Variants in TANGO6 observed in about 807,000 individuals in gnomAD.
The protein encoded by TANGO6 is transport and Golgi organization protein 6 homolog.
Under a neutral mutation model 114.2 loss-of-function variants are expected in TANGO6, and 90 were observed. The observed-to-expected ratio is 0.79, with a 90% CI of 0.66 to 0.94. The LOEUF (loss-of-function observed/expected upper bound fraction) is 0.94. Ranked by LOEUF, TANGO6 falls within the 40% of genes least tolerant of loss-of-function variation. TANGO6 has a pLI of 0.00. For missense variants in TANGO6, 1,274 were observed against 1,315.3 expected, an observed-to-expected ratio of 0.97 and a Z score of 0.49; for synonymous variants, 477 against 509.8, an observed-to-expected ratio of 0.94 and a Z score of 0.87.
At chr16:68,849,732 A>G (rs1567522834) in intron 1 of TANGO6, among the ~76,000 whole-genome samples, 2 of 152,162 alleles carry the variant, frequency 1.3e-5, no homozygotes, top group Non-Finnish European at 2.9e-5. Flanking sequence ...GCCAGGAAAT[A>G]TGTGGATTTT....
At chr16:68,971,577 C>T (rs532795184) in intron 14 of TANGO6, among the ~76,000 whole-genome samples, 1 of 151,668 alleles carries the variant, frequency 6.6e-6, no homozygotes, top group South Asian at 2.1e-4. Flanking sequence ...ACCTAGCCCC[C>T]TCTTCTTTCT....
At chr16:68,945,649 T>G (rs1963406808) in intron 14 of TANGO6, among the ~76,000 whole-genome samples, 1 of 152,206 alleles carries the variant, frequency 6.6e-6, no homozygotes, top group Non-Finnish European at 1.5e-5. Flanking sequence ...CATTGCCCAT[T>G]TGTAAATCTT....
intron 15 of TANGO6, among the ~76,000 whole-genome samples, chr16:68,995,242 A>T (rs1259240371): frequency 6.6e-6 from 1 of 152,240 alleles, no homozygotes; most frequent in East Asian, 1.9e-4. Flanking sequence ...CTCCTAGTTC[A>T]GGGTCACCTC....
At chr16:68,851,220 C>T (rs1178618281) in intron 1 of TANGO6, among the ~76,000 whole-genome samples, 7 of 151,990 alleles carry the variant, frequency 4.6e-5, no homozygotes, top group Non-Finnish European at 7.4e-5. Flanking sequence ...AGTGCAGTGG[C>T]GCAATCTCGG....
At chr16:69,076,226 G>T (rs1413099932) in intron 17 of TANGO6, among the ~76,000 whole-genome samples, 1 of 149,612 alleles carries the variant, frequency 6.7e-6, no homozygotes, top group Non-Finnish European at 1.5e-5. Context: ...CGAGTAGCTG[G>T]AATTACAGGC....
At chr16:69,062,541 C>T (rs758550595) in intron 17 of TANGO6, among the ~76,000 whole-genome samples, 19 of 151,986 alleles carry the variant, frequency 1.3e-4, no homozygotes, top group Admixed American at 9.8e-4. Flanking sequence ...GGCGTGATCT[C>T]GGCTCACTGC....
chr16:69,062,358 T>A (rs990240848), intron 17 of TANGO6, among the ~76,000 whole-genome samples: 16 of 152,210 alleles, frequency 1.1e-4, no homozygotes, highest in African/African-American at 3.9e-4. Flanking sequence ...CCAGTGTTTT[T>A]GCCTACCATC....
At chr16:68,944,649 G>T (rs760610069) in intron 14 of TANGO6, among the ~76,000 whole-genome samples, 98 of 152,270 alleles carry the variant, frequency 6.4e-4, no homozygotes, top group Non-Finnish European at 1.1e-3. Context: ...GGGAGAGAGG[G>T]TGCTCAAAGG....
At chr16:68,925,474 T>C (rs1963155606) in intron 12 of TANGO6, among the ~76,000 whole-genome samples, 1 of 152,232 alleles carries the variant, frequency 6.6e-6, no homozygotes, top group Non-Finnish European at 1.5e-5. Flanking sequence ...CATTTTCTTA[T>C]TGAGTTTAAA....
chr16:69,071,543 C>G (rs1180422966), intron 17 of TANGO6, among the ~76,000 whole-genome samples: 3 of 152,130 alleles, frequency 2.0e-5, no homozygotes, highest in South Asian at 2.1e-4. Context: ...TGTAAATGAC[C>G]TTTAAAATAT....
At chr16:69,060,596 AAAAAAAAAAAGAAAAAG>A (rs1430629103) in intron 17 of TANGO6, among the ~76,000 whole-genome samples, 7 of 145,030 alleles carry the variant, frequency 4.8e-5, no homozygotes, top group Middle Eastern at 7.0e-3. Context: ...TCTGTCTCTT[AAAAAAAAAAAGAAAAAG>A]AAAAAAAAAA....
intron 14 of TANGO6, among the ~76,000 whole-genome samples, chr16:68,949,876 A>C (rs192060067): frequency 1.9e-3 from 282 of 152,270 alleles, no homozygotes; most frequent in Middle Eastern, 3.4e-3. Context: ...TGAAAAATTG[A>C]AACAACATAC....
intron 17 of TANGO6, among the ~76,000 whole-genome samples, chr16:69,050,108 T>C (rs1252083556): frequency 1.3e-5 from 2 of 152,088 alleles, no homozygotes; most frequent in Admixed American, 6.6e-5. Flanking sequence ...AGTGGAATTG[T>C]TGGGTCATAT....
intron 17 of TANGO6, among the ~76,000 whole-genome samples, chr16:69,059,417 G>T (rs148061785): frequency 2.0e-5 from 3 of 152,096 alleles, no homozygotes; most frequent in Admixed American, 6.6e-5. Flanking sequence ...TGTTGGCCAG[G>T]CTGGTCTCGA....
At chr16:68,963,424 C>T (rs553231513) in intron 14 of TANGO6, among the ~76,000 whole-genome samples, 1 of 152,336 alleles carries the variant, frequency 6.6e-6, no homozygotes, top group South Asian at 2.1e-4. Flanking sequence ...GCCCCTTGCC[C>T]TACTTTTTAC....
chr16:69,054,802 G>A lies in TANGO6; in HGVS notation c.3108+14381G>A, dbSNP rs554884800. ...CAAAAAAAAAAAAAATTAGCAGGGC[G>A]CGGTGGCAGGTGCCTGTAGTCCCAG... On this transcript the variant is annotated intron_variant, in intron 17 of 17. Transcript: ENST00000261778. 8.6e-5 allele frequency among the ~76,000 whole-genome samples: 13 copies of A among 151,778 alleles called. No individual in the cohort carries two copies. The East Asian group carries it at 9.7e-4, about 11-fold the overall frequency.
intron 11 of TANGO6, among the ~76,000 whole-genome samples, chr16:68,912,456 A>G (rs886131329): frequency 6.6e-6 from 1 of 151,894 alleles, no homozygotes; most frequent in Admixed American, 6.6e-5. Flanking sequence ...CAACATGGTG[A>G]AATCCCATCT....
intron 11 of TANGO6, among the ~76,000 whole-genome samples, chr16:68,911,235 C>CACCA (rs1159823384): frequency 6.7e-6 from 1 of 150,014 alleles, no homozygotes; most frequent in Admixed American, 6.6e-5. Flanking sequence ...AACAGGTGCA[C>CACCA]ACCACCGTGC....
At chr16:69,012,618 A>C (rs945116994) in intron 15 of TANGO6, among the ~76,000 whole-genome samples, 4 of 151,800 alleles carry the variant, frequency 2.6e-5, no homozygotes, top group African/African-American at 9.7e-5. Flanking sequence ...GAGGAAAAGA[A>C]GATTGTCTCT....
Sources: gnomAD v4.1 joint callset for allele counts (sites outside exome capture counted in the v4.1 genomes callset) on GRCh38, gnomAD v4.1.1 for gene constraint, MANE v1.5 for transcripts, NCBI Gene and HGNC (gene_info 2026-07-23, HGNC 2026-07-21) for gene names.